Variants in CNTN4 observed in about 807,000 individuals in gnomAD.
The protein encoded by CNTN4 is contactin 4.
In CNTN4, 77 loss-of-function variants were observed where a neutral mutation model predicts 122.5. That is an observed-to-expected ratio of 0.63 (90% CI 0.52 to 0.76). CNTN4 has a LOEUF of 0.76. Among genes scored for constraint, CNTN4 ranks in the 30% least tolerant of loss-of-function variants. The probability of loss-of-function intolerance (pLI) is 0.00; values close to 1 mark genes in which losing one functional copy is unlikely to be tolerated. For missense variants in CNTN4, 1,256 were observed against 1,259.1 expected, an observed-to-expected ratio of 1.00 and a Z score of 0.04; for synonymous variants, 512 against 447.0, an observed-to-expected ratio of 1.15 and a Z score of -1.83.
chr3:2,698,475 C>T (rs187614758), intron 4 of CNTN4, among the ~76,000 whole-genome samples: 10 of 152,150 alleles, frequency 6.6e-5, no homozygotes, highest in Admixed American at 6.5e-4. Flanking sequence ...GTGACCACAG[C>T]GAAGGCACTG....
At chr3:2,456,661 T>C (rs1191086940) in intron 3 of CNTN4, among the ~76,000 whole-genome samples, 1 of 152,158 alleles carries the variant, frequency 6.6e-6, no homozygotes, top group Non-Finnish European at 1.5e-5. Context: ...TAGCATGATA[T>C]GTCTGAGACT....
At position 2,742,805 on chromosome 3, in the gene CNTN4, GTAAA is replaced by G. The variant is rs546189292; in HGVS notation, c.183-2715_183-2712del. Among the ~76,000 whole-genome samples, 10 of 152,284 alleles carry G rather than the reference GTAAA, an allele frequency of 6.6e-5. No homozygotes were observed. The South Asian group carries it at 2.1e-3, about 32-fold the overall frequency. On this transcript the variant is annotated intron_variant, in intron 5 of 24. Transcript: ENST00000418658. ...TTAAAAGATTCCTCACACATTGAAAGTAAATTGTGAAATTTTCAAGCGTGTTTCA... is the reference window on the plus strand; with the variant it reads ...TTAAAAGATTCCTCACACATTGAAAGTTGTGAAATTTTCAAGCGTGTTTCA...
intron 5 of CNTN4, among the ~76,000 whole-genome samples, chr3:2,738,532 GAATA>G (rs2149505378): frequency 6.6e-6 from 1 of 152,030 alleles, no homozygotes; most frequent in African/African-American, 2.4e-5. Context: ...TGAGCTACAA[GAATA>G]AATAAGTAAA....
In CNTN4 at chr3:2,301,485, G is replaced by A. The variant is rs539190156; in HGVS notation, c.-144-37693G>A. On this transcript the variant is annotated intron_variant, in intron 2 of 24. Transcript: ENST00000418658. The stretch of plus-strand genomic sequence containing the variant: ...TGTAAATGGTTCTGCTCTATATCAA[G>A]AATAAATCTGTTCCCAGACCACAGA... Among the ~76,000 whole-genome samples, 4 of 152,272 alleles carry A rather than the reference G, an allele frequency of 2.6e-5. No individual in the cohort carries two copies. The South Asian group carries it at 8.3e-4, about 32-fold the overall frequency.
chr3:2,259,908 C>G lies in CNTN4; in HGVS notation c.-144-79270C>G, dbSNP rs535705425. On this transcript the variant is annotated intron_variant, in intron 2 of 24. Transcript: ENST00000418658. ...GGAAGAGCAGATAGTTCTCCCCATT[C>G]CCACTCTTCTTTGTTGTGTGTGTGT... is the stretch of plus-strand genomic sequence containing the variant. 1.7e-4 allele frequency among the ~76,000 whole-genome samples: 26 copies of G among 150,048 alleles called. No homozygotes were observed. In the South Asian group the frequency reaches 3.6e-3, roughly 20 times the overall value.
intron 13 of CNTN4, among the ~76,000 whole-genome samples, chr3:2,970,834 C>T (rs372239800): frequency 6.6e-6 from 1 of 152,218 alleles, no homozygotes; most frequent in East Asian, 1.9e-4. Context: ...GTTGCCCAGG[C>T]TGGAGTGCAG....
intron 13 of CNTN4, among the ~76,000 whole-genome samples, chr3:2,978,625 G>C (rs1367199343): frequency 6.6e-6 from 1 of 152,228 alleles, no homozygotes; most frequent in Admixed American, 6.5e-5. Context: ...AAGCTCATCT[G>C]TGGCTGTGAA....
At chr3:2,780,895 T>C (rs1410254451) in intron 6 of CNTN4, among the ~76,000 whole-genome samples, 1 of 152,224 alleles carries the variant, frequency 6.6e-6, no homozygotes, top group Non-Finnish European at 1.5e-5. Flanking sequence ...TCGTTGCTGA[T>C]TGTAAATATC....
rs76864393 is a variant in CNTN4 at position 2,193,882 on chromosome 3, G to A, written c.-145+93243G>A. Among the ~76,000 whole-genome samples the A allele has an allele frequency of 8.1e-3, 1,226 of 152,278 alleles. 6 individuals are homozygous for A. The highest frequency in any genetic ancestry group is 0.012 in the Non-Finnish European group (846 of 68,034). ...CAGGTTTGCAGCCTAGGAGCAATAT[G>A]CTATCCCATCTAGCCTAGGTGTGTA... On this transcript the variant is annotated intron_variant, in intron 2 of 24. Coordinates refer to ENST00000418658, the MANE Select transcript of CNTN4 (RefSeq NM_175607.3).
chr3:2,366,966 C>G (rs909137294), intron 3 of CNTN4, among the ~76,000 whole-genome samples: 3 of 151,858 alleles, frequency 2.0e-5, no homozygotes, highest in Non-Finnish European at 1.5e-5. Flanking sequence ...TGTAGAAACC[C>G]AAAATATTAA....
chr3:2,549,234 C>T (rs573239257), intron 3 of CNTN4, among the ~76,000 whole-genome samples: 1 of 152,046 alleles, frequency 6.6e-6, no homozygotes, highest in Non-Finnish European at 1.5e-5. Flanking sequence ...CTTCCAATAC[C>T]ATGTTGAATA....
chr3:2,378,572 T>C (rs1001183128), intron 3 of CNTN4, among the ~76,000 whole-genome samples: 6 of 152,176 alleles, frequency 3.9e-5, no homozygotes, highest in African/African-American at 1.4e-4. Context: ...AACAACCTAT[T>C]TGTTAGAGAC....
intron 2 of CNTN4, among the ~76,000 whole-genome samples, chr3:2,279,408 C>A (rs13059227): frequency 0.49 from 75,070 of 151,890 alleles, 19,310 homozygotes; most frequent in South Asian, 0.65. Context: ...AAAAGTTTTA[C>A]CAACATCAGA....
chr3:2,148,706 A>G (rs2125390050), intron 2 of CNTN4, among the ~76,000 whole-genome samples: 1 of 152,266 alleles, frequency 6.6e-6, no homozygotes, highest in South Asian at 2.1e-4. Flanking sequence ...AGATGACGAA[A>G]TTAAATGAGT....
At chr3:2,359,626 G>A (rs1477210142) in intron 3 of CNTN4, among the ~76,000 whole-genome samples, 1 of 152,068 alleles carries the variant, frequency 6.6e-6, no homozygotes, top group Admixed American at 6.6e-5. Flanking sequence ...TGCAAGCCCC[G>A]CCTCCCGAAT....
intron 3 of CNTN4, among the ~76,000 whole-genome samples, chr3:2,395,588 T>C (rs2046612265): frequency 6.6e-6 from 1 of 152,154 alleles, no homozygotes; most frequent in African/African-American, 2.4e-5. Context: ...TTTTCAGTCC[T>C]TGCCCCACTC....
chr3:2,769,952 G>T (rs2091016250), intron 6 of CNTN4, among the ~76,000 whole-genome samples: 1 of 152,112 alleles, frequency 6.6e-6, no homozygotes, highest in Non-Finnish European at 1.5e-5. Context: ...TTCATGGTTA[G>T]ATTAGTTATG....
At chr3:2,560,041 T>G (rs557068949) in intron 3 of CNTN4, among the ~76,000 whole-genome samples, 1 of 152,220 alleles carries the variant, frequency 6.6e-6, no homozygotes, top group South Asian at 2.1e-4. Context: ...TATTTACCAT[T>G]ACATGAGATG....
intron 12 of CNTN4, among the ~76,000 whole-genome samples, chr3:2,910,530 A>G (rs1499133): frequency 0.45 from 67,748 of 151,986 alleles, 15,320 homozygotes; most frequent in East Asian, 0.66. Flanking sequence ...AGTAAGAAAT[A>G]TGTTATTTTT....
Sources: gnomAD v4.1 joint callset for allele counts (sites outside exome capture counted in the v4.1 genomes callset) on GRCh38, gnomAD v4.1.1 for gene constraint, MANE v1.5 for transcripts, NCBI Gene and HGNC (gene_info 2026-07-23, HGNC 2026-07-21) for gene names.